The following TPM1 variants were observed in gnomAD, a reference collection of about 807,000 sequenced individuals.
The protein encoded by TPM1 is tropomyosin 1, also known as tropomyosin alpha-1 chain.
A neutral mutation model predicts 42.9 loss-of-function variants in TPM1; 24 were observed. The ratio of observed to expected loss-of-function variants is 0.56; its 90% CI spans 0.41 to 0.79. TPM1 has a LOEUF of 0.79. Ranked by LOEUF, TPM1 falls within the 30% of genes least tolerant of loss-of-function variation. The probability of loss-of-function intolerance (pLI) is 0.00; values close to 1 mark genes in which losing one functional copy is unlikely to be tolerated. For synonymous variants in TPM1, 136 were observed against 130.1 expected, an observed-to-expected ratio of 1.05 and a Z score of -0.31; for missense variants, 158 against 351.8, an observed-to-expected ratio of 0.45 and a Z score of 4.41.
intron 8 of TPM1, chr15:63,062,962 A>G (rs1566968715): frequency 7.1e-7 from 1 of 1,416,374 alleles, no homozygotes; most frequent in Non-Finnish European, 9.2e-7. Flanking sequence ...AGTATATTTT[A>G]TATCTTTAGT....
intron 4 of TPM1, 190 bp downstream of exon 4, chr15:63,059,870 C>A (rs1224554346): frequency 4.5e-6 from 2 of 446,488 alleles, no homozygotes; most frequent in Admixed American, 6.2e-5. Context: ...GGATCCCAGG[C>A]TTTATCAGGA....
At position 63,061,810 on chromosome 15, in the gene TPM1, G is replaced by C. The variant is rs28730802; in HGVS notation, c.639+22G>C. The C allele has an allele frequency of 0.013, 20,320 of 1,610,784 alleles. 219 individuals carry two copies. The highest frequency in any genetic ancestry group is 0.027 in the South Asian group (2,436 of 90,998). ...GAAGGTAGGCCAGGAGGATGGTGTGGGGGAAAGGCATCTTTTAAGAGCTGC... is the reference window on the plus strand; with the variant it reads ...GAAGGTAGGCCAGGAGGATGGTGTGCGGGAAAGGCATCTTTTAAGAGCTGC... On this transcript the variant is annotated intron_variant, in intron 6 of 9. Coordinates refer to ENST00000403994, the MANE Select transcript of TPM1 (RefSeq NM_001018005.2).
intron 2 of TPM1, among the ~76,000 whole-genome samples, chr15:63,052,786 G>A (rs190540352): frequency 2.6e-5 from 4 of 151,666 alleles, no homozygotes; most frequent in African/African-American, 9.7e-5. Flanking sequence ...AAAAATACCA[G>A]AAATAAAAGC....
intron 1 of TPM1, chr15:63,043,813 C>T (rs947201175): frequency 6.5e-7 from 1 of 1,548,750 alleles, no homozygotes; most frequent in East Asian, 2.4e-5. Flanking sequence ...TCCTGGCCGC[C>T]GAAGAGGCCG....
chr15:63,055,701 GT>G (rs1203240323), intron 2 of TPM1: 1 of 152,168 alleles, frequency 6.6e-6, no homozygotes, highest in African/African-American at 2.4e-5. Flanking sequence ...ACTCCTAAGT[GT>G]TCTGAAAACC....
downstream of TPM1, chr15:63,070,857 T>C: frequency 7.6e-7 from 1 of 1,318,984 alleles, no homozygotes; most frequent in Non-Finnish European, 9.8e-7. Flanking sequence ...GAATTGTTGG[T>C]GGAGGTGCAC....
chr15:63,050,647 A>G (rs1596330693), intron 2 of TPM1, among the ~76,000 whole-genome samples: 1 of 152,318 alleles, frequency 6.6e-6, no homozygotes, highest in Non-Finnish European at 1.5e-5. Flanking sequence ...TTTTTAAGTA[A>G]TCTTTGCAAA....
intron 2 of TPM1, among the ~76,000 whole-genome samples, chr15:63,050,705 A>T (rs556241753): frequency 6.6e-6 from 1 of 152,230 alleles, no homozygotes; most frequent in South Asian, 2.1e-4. Context: ...TAAGACAGCA[A>T]CTTGAAGACT....
intron 2 of TPM1, chr15:63,048,559 G>A (rs778363083): frequency 2.0e-6 from 3 of 1,520,600 alleles, no homozygotes; most frequent in South Asian, 1.2e-5. Flanking sequence ...CCTCCCGCCC[G>A]CCTACCGTCC....
intron 2 of TPM1, among the ~76,000 whole-genome samples, chr15:63,050,120 CA>C (rs1466741480): frequency 6.6e-6 from 1 of 152,198 alleles, no homozygotes; most frequent in Non-Finnish European, 1.5e-5. Flanking sequence ...AAAGACAGTA[CA>C]CTGATGCTTG....
chr15:63,042,974 C>T (rs1464300310), intron 1 of TPM1, 31 bp downstream of exon 1: 1 of 1,560,248 alleles, frequency 6.4e-7, no homozygotes, highest in Non-Finnish European at 8.7e-7. Flanking sequence ...GCGCCCGCGC[C>T]CAGAGCGCCG....
At chr15:63,048,634 A>G (rs1358138162) in intron 2 of TPM1, 1 of 1,537,002 alleles carries the variant, frequency 6.5e-7, no homozygotes, top group Non-Finnish European at 8.8e-7. Flanking sequence ...CTGCAGGAGC[A>G]GGCGGACGCC....
At chr15:63,050,261 C>T (rs1270792285) in intron 2 of TPM1, among the ~76,000 whole-genome samples, 1 of 152,190 alleles carries the variant, frequency 6.6e-6, no homozygotes, top group East Asian at 1.9e-4. Flanking sequence ...TTCATGACAT[C>T]ATAAAACACT....
chr15:63,061,228 A>T (rs200794206), intron 5 of TPM1: 1 of 1,614,204 alleles, frequency 6.2e-7, no homozygotes, highest in African/African-American at 1.3e-5. Flanking sequence ...AACAATTAAG[A>T]ATAATGGATC....
chr15:63,064,459 G>A (rs2036044883), intron 9 of TPM1: 1 of 1,160,884 alleles, frequency 8.6e-7, no homozygotes, highest in Admixed American at 4.2e-5. Context: ...AAAACTAGAA[G>A]GCCATGCCGT....
chr15:63,056,856 T>C, intron 2 of TPM1, 129 bp from the exon 3 acceptor site: 3 of 1,229,356 alleles, frequency 2.4e-6, no homozygotes, highest in Non-Finnish European at 3.6e-6. Context: ...GGGCTTGTAA[T>C]GCACTTAAAG....
At chr15:63,059,118 A>G (rs2035239964) in intron 3 of TPM1, among the ~76,000 whole-genome samples, 1 of 152,234 alleles carries the variant, frequency 6.6e-6, no homozygotes, top group Non-Finnish European at 1.5e-5. Flanking sequence ...GGGTAAGAAG[A>G]TTCTTTGTAG....
At chr15:63,059,413 T>G in intron 3 of TPM1, 150 bp from the exon 4 acceptor site, 1 of 601,964 alleles carries the variant, frequency 1.7e-6, no homozygotes, top group Non-Finnish European at 3.1e-6. Flanking sequence ...GCTCTGGAAA[T>G]TGTTGTTTCC....
At chr15:63,048,802 G>A in intron 2 of TPM1, 1 of 1,479,232 alleles carries the variant, frequency 6.8e-7, no homozygotes, top group Non-Finnish European at 9.1e-7. Flanking sequence ...GCAGGCCCCG[G>A]TCCCTCGTCC....
Sources: allele counts gnomAD v4.1 joint callset (sites outside exome capture counted in the v4.1 genomes callset), GRCh38; gene constraint gnomAD v4.1.1; transcripts MANE v1.5; gene names NCBI Gene and HGNC (gene_info 2026-07-23, HGNC 2026-07-21).